Variants in C11orf54 observed in about 807,000 individuals in gnomAD.
C11orf54 encodes beta-keto-L-gulonate decarboxylase, also known as beta-keto L-gulonate decarboxylase.
Under a neutral mutation model 35.5 loss-of-function variants are expected in C11orf54, and 29 were observed. That is an observed-to-expected ratio of 0.82 (90% CI 0.61 to 1.11). The LOEUF is 1.11. C11orf54 is among the 50% of genes most tolerant of loss of function. The pLI, the probability that C11orf54 is intolerant of heterozygous loss-of-function variation, is 0.00. For synonymous variants in C11orf54, 108 were observed against 121.1 expected (o/e 0.89, Z 0.71); for missense variants, 373 against 369.2 (o/e 1.01, Z -0.08).
At chr11:93,744,277 A>G (rs1166806068) in intron 1 of C11orf54, among the ~76,000 whole-genome samples, 1 of 152,202 alleles carries the variant, frequency 6.6e-6, no homozygotes, top group African/African-American at 2.4e-5. Flanking sequence ...ACATTTCTAA[A>G]CCAGTTATTC....
chr11:93,760,160 G>A (rs996914269), intron 8 of C11orf54, among the ~76,000 whole-genome samples: 4 of 152,096 alleles, frequency 2.6e-5, no homozygotes, highest in Non-Finnish European at 5.9e-5. Flanking sequence ...GGTCAGGCTG[G>A]TCTCAAACCA....
intron 6 of C11orf54, among the ~76,000 whole-genome samples, chr11:93,755,752 CAAAA>C (rs11452678): frequency 4.6e-5 from 5 of 109,782 alleles, no homozygotes; most frequent in Admixed American, 1.8e-4. Flanking sequence ...GACTCTGTCT[CAAAA>C]AAAAAAAAAA....
At chr11:93,755,176 C>T in intron 5 of C11orf54, 34 bp from the exon 6 acceptor site, 1 of 1,598,346 alleles carries the variant, frequency 6.3e-7, no homozygotes, top group Non-Finnish European at 8.6e-7. Context: ...TGCAGAGATA[C>T]AAAGATTGAC....
rs1943470902 is a variant in C11orf54, at chr11:93,761,539, A to G, written c.799A>G (p.Thr267Ala). 4 of 1,610,098 alleles carry G rather than the reference A, an allele frequency of 2.5e-6. No homozygotes were observed. Among genetic ancestry groups the G allele is most frequent in the Middle Eastern group, 1.7e-4 (1 of 6,052 alleles). Reference protein sequence around the residue: ...DPGFDLRLEHTHFFSRHGEGG... With the variant: ...DPGFDLRLEHAHFFSRHGEGG... ...GGGGTTTGATTTGCGACTGGAGCAC[A>G]CTCATTTTTTTAGTCGTCATGGAGA... is the stretch of plus-strand genomic sequence containing the variant. The change falls in exon 9 of 9, where the codon ACT (threonine) becomes GCT (alanine). Residue 267 changes from threonine (T) to alanine (A), a missense_variant. Physicochemically the swap from Thr to Ala is moderately conservative, Grantham distance 58. Coordinates refer to ENST00000354421, the MANE Select transcript of C11orf54 (RefSeq NM_001286069.2).
At chr11:93,742,201 A>C (rs1942120640) in intron 1 of C11orf54, 1 of 152,368 alleles carries the variant, frequency 6.6e-6, no homozygotes, top group African/African-American at 2.4e-5. Context: ...CCTGCCCCAC[A>C]CCATTAGTTC....
intron 1 of C11orf54, chr11:93,746,084 G>T (rs559466649): frequency 6.6e-6 from 1 of 152,198 alleles, no homozygotes; most frequent in African/African-American, 2.4e-5. Flanking sequence ...AAGTACTAAA[G>T]TAAATATAAC....
At chr11:93,747,573 AC>A in intron 2 of C11orf54, 125 bp downstream of exon 2, 2 of 320,062 alleles carry the variant, frequency 6.2e-6, no homozygotes, top group Non-Finnish European at 1.1e-5. Flanking sequence ...TCAAAATAAT[AC>A]TTTTGGTACA....
In C11orf54 at chr11:93,757,354, T is replaced by C. The variant is rs752743409; in HGVS notation, c.546T>C (p.Leu182=). 1 of 1,598,310 alleles carries C rather than the reference T, an allele frequency of 6.3e-7. No homozygotes were observed. The highest frequency in any genetic ancestry group is 1.7e-5 in the Admixed American group (1 of 60,014). Residue 182 remains leucine, a synonymous_variant, in exon 7 of 9, where the codon CTT becomes CTC. Coordinates refer to ENST00000354421, the MANE Select transcript of C11orf54 (RefSeq NM_001286069.2). The part of the protein sequence containing the change: ...EVKAKRRTGP[L]NFVTCMRETL... ...AAGCCAAAAGAAGAACTGGACCACT[T>C]AACTTTGTGACTTGTATGAGAGAGA... is the stretch of plus-strand genomic sequence containing the variant.
intron 1 of C11orf54, among the ~76,000 whole-genome samples, chr11:93,742,384 A>G (rs1042109402): frequency 6.6e-6 from 1 of 151,832 alleles, no homozygotes; most frequent in Non-Finnish European, 1.5e-5. Context: ...CCCGGGTTCA[A>G]GCGATTCTCC....
intron 8 of C11orf54, among the ~76,000 whole-genome samples, chr11:93,761,043 GTTA>G (rs555288115): frequency 2.3e-4 from 35 of 152,178 alleles, no homozygotes; most frequent in Non-Finnish European, 4.0e-4. Context: ...TAGTTAAAAG[GTTA>G]TTATTACAGT....
At position 93,752,743 on chromosome 11, in the gene C11orf54, T is replaced by TG. The variant is rs1419453646; in HGVS notation, c.155-936dup. Among the ~76,000 whole-genome samples, 7 of 118,748 alleles carry TG rather than the reference T, an allele frequency of 5.9e-5. No homozygotes were observed. The Admixed American group carries it at 6.9e-4, about 12-fold the overall frequency. 77.9% of individuals were successfully genotyped at this position (118,748 alleles called of 152,430 possible). ...TTTGTACATCTCACCTAGATCTCTC[T>TG]GGGTTTTTTTTTTTTTTTTTTTTGA... On this transcript the variant is annotated intron_variant, in intron 3 of 8. Transcript: ENST00000354421.
chr11:93,753,818 T>C, intron 4 of C11orf54, 63 bp downstream of exon 4: 1 of 1,570,774 alleles, frequency 6.4e-7, no homozygotes, highest in Non-Finnish European at 8.7e-7. Flanking sequence ...TTACTGTGTT[T>C]ATTATTAGAA....
intron 5 of C11orf54, 71 bp from the exon 6 acceptor site, chr11:93,755,134 ATGTTT>A (rs1192120222): frequency 8.5e-6 from 12 of 1,413,922 alleles, no homozygotes; most frequent in Non-Finnish European, 1.2e-5. Context: ...AAAGGATTAA[ATGTTT>A]TGTAACATTA....
chr11:93,750,596 C>G, intron 3 of C11orf54, 152 bp downstream of exon 3: 1 of 621,668 alleles, frequency 1.6e-6, no homozygotes, highest in Non-Finnish European at 2.8e-6. Context: ...GCTCACTCTT[C>G]TGATATTGGT....
chr11:93,744,838 C>T (rs1376078687), intron 1 of C11orf54, among the ~76,000 whole-genome samples: 1 of 152,186 alleles, frequency 6.6e-6, no homozygotes, highest in African/African-American at 2.4e-5. Context: ...GGACCTGCAC[C>T]GGCACTGGTA....
At chr11:93,758,480 T>C (rs946933207) in intron 7 of C11orf54, among the ~76,000 whole-genome samples, 2 of 152,194 alleles carry the variant, frequency 1.3e-5, no homozygotes, top group Non-Finnish European at 2.9e-5. Context: ...ACCCAGGCAT[T>C]CCTGCATTCT....
At position 93,759,850 on chromosome 11, in the gene C11orf54, A is replaced by G; in HGVS notation, c.766A>G (p.Arg256Gly). ...PLVCLPVFVS[R>G]DPGFDLRLEH... ...GGTTTGTCTACCAGTTTTTGTCTCCAGAGACCCAGTAAGTCTGTGTCTGTT... is the reference window on the plus strand; with the variant it reads ...GGTTTGTCTACCAGTTTTTGTCTCCGGAGACCCAGTAAGTCTGTGTCTGTT... The change falls in exon 8 of 9, where the codon AGA (arginine) becomes GGA (glycine). Residue 256 changes from arginine to glycine, a missense_variant. Coordinates refer to ENST00000354421, the MANE Select transcript of C11orf54 (RefSeq NM_001286069.2). 1 of 1,577,878 alleles carries G rather than the reference A, an allele frequency of 6.3e-7. No individual in the cohort carries two copies. The highest frequency in any genetic ancestry group is 8.7e-7 in the Non-Finnish European group (1 of 1,149,294).
chr11:93,761,411 C>G, intron 8 of C11orf54, 104 bp from the exon 9 acceptor site: 1 of 1,041,212 alleles, frequency 9.6e-7, no homozygotes, highest in Non-Finnish European at 1.4e-6. Context: ...GAATGTATTA[C>G]CTATTTAAAA....
chr11:93,757,219 C>T, intron 6 of C11orf54, 97 bp from the exon 7 acceptor site: 2 of 1,339,032 alleles, frequency 1.5e-6, no homozygotes, highest in South Asian at 1.5e-5. Context: ...AAGCAAAGAA[C>T]AGAATATTTG....
Sources: gnomAD v4.1 joint callset for allele counts (sites outside exome capture counted in the v4.1 genomes callset) on GRCh38, gnomAD v4.1.1 for gene constraint, MANE v1.5 for transcripts, NCBI Gene and HGNC (gene_info 2026-07-23, HGNC 2026-07-21) for gene names.